Variants in SYT2 observed in about 807,000 individuals in gnomAD.
SYT2 encodes synaptotagmin-2.
SYT2 carries 15 observed loss-of-function variants against 39.9 expected under a neutral mutation model. The ratio of observed to expected loss-of-function variants is 0.38; its 90% confidence interval spans 0.25 to 0.58. The LOEUF is 0.58. SYT2 is among the 20% of genes least tolerant of loss of function. SYT2 has a pLI of 0.70. For missense variants in SYT2, 389 were observed against 530.3 expected (o/e 0.73, Z 2.62); for synonymous variants, 181 against 204.5 (o/e 0.89, Z 0.98).
intron 1 of SYT2, among the ~76,000 whole-genome samples, chr1:202,618,394 G>GGTGTGAGTGTGT (rs1691108156): frequency 3.1e-5 from 2 of 65,262 alleles, no homozygotes; most frequent in Admixed American, 1.9e-4. Context: ...ACCAAGGTCT[G>GGTGTGAGTGTGT]GTGTGAGTGT....
chr1:202,617,778 T>C (rs1264651656), intron 1 of SYT2, among the ~76,000 whole-genome samples: 1 of 152,190 alleles, frequency 6.6e-6, no homozygotes, highest in Non-Finnish European at 1.5e-5. Flanking sequence ...AGCCACCTCA[T>C]TGGTCTTACT....
chr1:202,669,832 C>T (rs6662116), intron 1 of SYT2, among the ~76,000 whole-genome samples: 82,802 of 151,708 alleles, frequency 0.55, 24,413 homozygotes, highest in East Asian at 0.79. Context: ...TAGAAAGACA[C>T]GAAACATGTC....
intron 1 of SYT2, among the ~76,000 whole-genome samples, chr1:202,638,536 A>G (rs1691810895): frequency 6.6e-6 from 1 of 152,258 alleles, no homozygotes. Flanking sequence ...GGGAGCTGGA[A>G]GCTGGGGAGG....
At chr1:202,686,247 G>A (rs1653662558) in intron 1 of SYT2, among the ~76,000 whole-genome samples, 1 of 152,176 alleles carries the variant, frequency 6.6e-6, no homozygotes, top group Admixed American at 6.5e-5. Flanking sequence ...TGTACAGCCT[G>A]CAGAACCGTG....
At chr1:202,678,273 C>CA (rs773123862) in intron 1 of SYT2, among the ~76,000 whole-genome samples, 2,681 of 30,498 alleles carry the variant, frequency 0.088, 398 homozygotes, top group East Asian at 0.12. Context: ...GACTCTGTCT[C>CA]AAAAAAAAAA....
intron 1 of SYT2, chr1:202,632,633 G>A (rs1049265606): frequency 2.1e-4 from 209 of 974,670 alleles, no homozygotes; most frequent in Non-Finnish European, 2.5e-4. Flanking sequence ...CTCCAAGCAG[G>A]GGAAAAGAGA....
chr1:202,696,390 C>T (rs956544150), intron 1 of SYT2, among the ~76,000 whole-genome samples: 4 of 152,190 alleles, frequency 2.6e-5, no homozygotes, highest in East Asian at 1.9e-4. Context: ...TGGCCATGCA[C>T]GCATCATGTT....
chr1:202,694,449 G>A (rs1370982856), intron 1 of SYT2, among the ~76,000 whole-genome samples: 5 of 152,194 alleles, frequency 3.3e-5, no homozygotes, highest in African/African-American at 1.2e-4. Flanking sequence ...TTTAGTAGGC[G>A]ATGCACAGAA....
intron 1 of SYT2, among the ~76,000 whole-genome samples, chr1:202,611,446 G>T (rs534839741): frequency 5.4e-4 from 82 of 152,290 alleles, no homozygotes; most frequent in Admixed American, 1.2e-3. Flanking sequence ...CCACCTCCCA[G>T]GTTCAAGTGA....
rs12047787 is a variant in SYT2, at chr1:202,600,703, G to A, written c.802-229C>T. Among the ~76,000 whole-genome samples the A allele has an allele frequency of 0.096, 14,590 of 152,248 alleles. 1,091 individuals are homozygous for A. Among genetic ancestry groups the A allele is most frequent in the East Asian group, 0.35 (1,805 of 5,152 alleles). On this transcript the variant is annotated intron_variant, in intron 6 of 8. Coordinates refer to ENST00000367268, the MANE Select transcript of SYT2 (RefSeq NM_177402.5). Reference sequence around the variant, plus strand: ...GTGACAGGTTGGGACCTCAGGAGCCGTGGGCTGAGGATGCTGACAGATGAG... The same window carrying A: ...GTGACAGGTTGGGACCTCAGGAGCCATGGGCTGAGGATGCTGACAGATGAG...
intron 1 of SYT2, among the ~76,000 whole-genome samples, chr1:202,662,303 C>T (rs1692396888): frequency 6.6e-6 from 1 of 152,264 alleles, no homozygotes; most frequent in Non-Finnish European, 1.5e-5. Flanking sequence ...TCTCTGCAGC[C>T]TCACTACTTC....
At chr1:202,674,978 C>T (rs192515939) in intron 1 of SYT2, among the ~76,000 whole-genome samples, 83 of 152,274 alleles carry the variant, frequency 5.5e-4, no homozygotes, top group African/African-American at 1.9e-3. Context: ...TTGTTCAGAA[C>T]TCACCTTGTT....
Position 202,623,227 on chromosome 1 carries a change from C to T in SYT2, c.-17-17438G>A, listed in dbSNP as rs1466203810. On this transcript the variant is annotated intron_variant, in intron 1 of 8. Transcript: ENST00000367268. This position sits in a 1 kb window ranked among gnomAD's most constrained non-coding sequence, Gnocchi z 4.2. ...GCCCGCCATCCCCATGGGAGAGGAGCTGGAGTCCAGGCTCCCTGGAGAGGG... is the reference window on the plus strand; with the variant it reads ...GCCCGCCATCCCCATGGGAGAGGAGTTGGAGTCCAGGCTCCCTGGAGAGGG... 6.6e-6 allele frequency among the ~76,000 whole-genome samples: 1 copy of T among 152,232 alleles called. No homozygotes were observed. Among genetic ancestry groups the T allele is most frequent in the Non-Finnish European group, 1.5e-5 (1 of 68,040 alleles).
chr1:202,617,905 T>G (rs937940232), intron 1 of SYT2, among the ~76,000 whole-genome samples: 12 of 152,210 alleles, frequency 7.9e-5, no homozygotes, highest in Middle Eastern at 3.4e-3. Flanking sequence ...TTACGCATTT[T>G]TTGTTGTTGT....
chr1:202,706,284 G>A (rs2102180504), intron 1 of SYT2, among the ~76,000 whole-genome samples: 1 of 152,166 alleles, frequency 6.6e-6, no homozygotes, highest in South Asian at 2.1e-4. Flanking sequence ...TGACCACCAA[G>A]ACGGTGAGGG....
At chr1:202,669,694 G>A (rs142066468) in intron 1 of SYT2, among the ~76,000 whole-genome samples, 2 of 150,960 alleles carry the variant, frequency 1.3e-5, no homozygotes, top group Non-Finnish European at 2.9e-5. Flanking sequence ...GGAGGTCAAC[G>A]CTGCAGTGAG....
In SYT2 at chr1:202,601,628, G is replaced by T. The variant is rs915657713; in HGVS notation, c.801+262C>A. Among the ~76,000 whole-genome samples the T allele has an allele frequency of 6.6e-6, 1 of 152,218 alleles. No homozygotes were observed. The highest frequency in any genetic ancestry group is 1.5e-5 in the Non-Finnish European group (1 of 68,040). On this transcript the variant is annotated intron_variant, in intron 6 of 8. Transcript: ENST00000367268. This position sits in a 1 kb window ranked among gnomAD's most constrained non-coding sequence, Gnocchi z 4.0. ...AATAATGGTGTTTTTATTTATTTGAGTACCTACCAAATACCAGTCGCTGCG... is the reference window on the plus strand; with the variant it reads ...AATAATGGTGTTTTTATTTATTTGATTACCTACCAAATACCAGTCGCTGCG...
chr1:202,625,931 A>G (rs1691391527), intron 1 of SYT2, among the ~76,000 whole-genome samples: 2 of 152,192 alleles, frequency 1.3e-5, no homozygotes, highest in South Asian at 4.1e-4. Context: ...AATGCCAGAA[A>G]GGCTGTGTAT....
chr1:202,670,937 A>T (rs780015734), intron 1 of SYT2, among the ~76,000 whole-genome samples: 1 of 152,236 alleles, frequency 6.6e-6, no homozygotes, highest in Admixed American at 6.5e-5. Context: ...AATGTTCACC[A>T]TCCCAAGGCC....
Sources: allele counts gnomAD v4.1 joint callset (sites outside exome capture counted in the v4.1 genomes callset), GRCh38; gene constraint gnomAD v4.1.1; non-coding constraint Gnocchi (gnomAD v3.1); transcripts MANE v1.5; gene names NCBI Gene and HGNC (gene_info 2026-07-23, HGNC 2026-07-21).